NFE2: variants seen among roughly 807,000 people sequenced by gnomAD.
NFE2 encodes nuclear factor, erythroid 2, also known as transcription factor NF-E2 45 kDa subunit.
NFE2 carries 13 observed loss-of-function variants against 25.8 expected under a neutral mutation model. The ratio of observed to expected loss-of-function variants is 0.50; its 90% confidence interval spans 0.33 to 0.80. NFE2 has a LOEUF of 0.80. Among genes scored for constraint, NFE2 ranks in the 30% least tolerant of loss-of-function variants. The pLI is 0.02. For missense variants in NFE2, 382 were observed against 478.9 expected (o/e 0.80, Z 1.89); for synonymous variants, 204 against 200.2 (o/e 1.02, Z -0.16).
intron 1 of NFE2, chr12:54,297,946 A>C (rs1944388691): frequency 6.6e-6 from 1 of 152,150 alleles, no homozygotes; most frequent in South Asian, 2.1e-4. Flanking sequence ...CAGTGGGCAG[A>C]GTGGGTGGGG....
intron 1 of NFE2, among the ~76,000 whole-genome samples, chr12:54,298,091 C>G (rs1176840465): frequency 6.6e-6 from 1 of 152,174 alleles, no homozygotes; most frequent in Non-Finnish European, 1.5e-5. Context: ...TCTTGCTTCA[C>G]AGTTCTTTAC....
intron 1 of NFE2, among the ~76,000 whole-genome samples, chr12:54,296,621 G>C (rs777241889): frequency 6.6e-6 from 1 of 152,024 alleles, no homozygotes; most frequent in Non-Finnish European, 1.5e-5. Context: ...TTTCTGTGGA[G>C]TGTCAGTCTC....
rs1454566961 is a variant in NFE2 at position 54,295,254 on chromosome 12, T to C, written c.-6A>G. The C allele has an allele frequency of 1.2e-6, 2 of 1,612,770 alleles. No homozygotes were observed. Among genetic ancestry groups the C allele is most frequent in the East Asian group, 2.2e-5 (1 of 44,870 alleles). ...TGGGGAGGACACGGGGACATCCTAC[T>C]GGGCCAGAGTCTGGTCCAGGTTCCC... On this transcript the variant is annotated 5_prime_UTR_variant, in exon 2 of 3. Transcript: ENST00000435572.
In NFE2 at chr12:54,292,855, G is replaced by A. The variant is rs1229020474; in HGVS notation, c.641C>T (p.Ala214Val). ...TGCCTCCCCCCGTGCAGTGGGCTTA[G>A]CCCGCACAGGGCCTGAGGAGGGCTC... is the stretch of plus-strand genomic sequence containing the variant. ...ALEPSSGPVR[A>V]KPTARGEAGS... Residue 214 changes from alanine (A) to valine (V), a missense_variant, in exon 3 of 3, where the codon GCT becomes GTT. Coordinates refer to ENST00000435572, the MANE Select transcript of NFE2 (RefSeq NM_001136023.3). The A allele has an allele frequency of 6.2e-7, 1 of 1,614,062 alleles. No individual in the cohort carries two copies. Among genetic ancestry groups the A allele is most frequent in the Non-Finnish European group, 8.5e-7 (1 of 1,180,018 alleles).
chr12:54,297,667 GAAAAAAAAAAAAAAAA>G (rs1158479197), intron 1 of NFE2: 1 of 40,642 alleles, frequency 2.5e-5, no homozygotes, highest in Non-Finnish European at 3.9e-5. Context: ...CTCTGTTTCG[GAAAAAAAAAAAAAAAA>G]AAAAAAAAAG....
chr12:54,297,667 GAAAAAAAAAAAAA>G (rs1158479197), intron 1 of NFE2: 1 of 40,642 alleles, frequency 2.5e-5, no homozygotes, highest in African/African-American at 1.4e-4. Context: ...CTCTGTTTCG[GAAAAAAAAAAAAA>G]AAAAAAAAAA....
rs1314480519 is a variant in NFE2, at chr12:54,293,239, G to A, written c.257C>T (p.Pro86Leu). 6.2e-7 allele frequency: 1 copy of A among 1,611,068 alleles called. No homozygotes were observed. Among genetic ancestry groups the A allele is most frequent in the Non-Finnish European group, 8.5e-7 (1 of 1,178,620 alleles). Reference protein sequence around the residue: ...FPLPPPPYELPASTSHVPDPP... With the variant: ...FPLPPPPYELLASTSHVPDPP... ...ATCTGGGACATGGGATGTGGATGCT[G>A]GGAGCTCATAAGGTGGTGGAGGAAG... The change falls in exon 3 of 3, where the codon CCA becomes CTA. Residue 86 changes from proline to leucine, a missense_variant. Physicochemically the swap from Pro to Leu is moderately conservative, Grantham distance 98. Coordinates refer to ENST00000435572, the MANE Select transcript of NFE2 (RefSeq NM_001136023.3).
chr12:54,297,667 GAA>G (rs1158479197), intron 1 of NFE2: 3 of 40,666 alleles, frequency 7.4e-5, no homozygotes, highest in Non-Finnish European at 1.2e-4. Flanking sequence ...CTCTGTTTCG[GAA>G]AAAAAAAAAA....
Position 54,295,271 on chromosome 12 carries a change from C to T in NFE2, c.-23G>A. On this transcript the variant is annotated 5_prime_UTR_variant, in exon 2 of 3. Transcript: ENST00000435572. ...CATCCTACTGGGCCAGAGTCTGGTC[C>T]AGGTTCCCGGAAAGCCCAGATGGCT... is the stretch of plus-strand genomic sequence containing the variant. The T allele has an allele frequency of 6.2e-7, 1 of 1,605,678 alleles. No homozygotes were observed. Among genetic ancestry groups the T allele is most frequent in the Non-Finnish European group, 8.5e-7 (1 of 1,172,566 alleles).
At chr12:54,300,738 C>CCG (rs1297974115) in intron 1 of NFE2, 63 bp downstream of exon 1, 3 of 151,964 alleles carry the variant, frequency 2.0e-5, no homozygotes, top group African/African-American at 7.3e-5. Flanking sequence ...CTTCACCCCC[C>CCG]AGCCTGCCCC....
intron 1 of NFE2, among the ~76,000 whole-genome samples, chr12:54,297,356 C>CAAAAAAAAAAAAAA (rs35611028): frequency 1.0e-4 from 5 of 49,996 alleles, no homozygotes; most frequent in African/African-American, 4.5e-4. Context: ...GACCCTGTCT[C>CAAAAAAAAAAAAAA]AAAAAAAAAA....
rs554837198 is a variant in NFE2 at position 54,296,303 on chromosome 12, G to A, written c.-56-999C>T. 7.3e-5 allele frequency among the ~76,000 whole-genome samples: 11 copies of A among 151,712 alleles called. No homozygotes were observed. The East Asian group carries it at 1.9e-3, about 27-fold the overall frequency. ...CACATGTCTGTAGTCCCAGCTACTCGGGAAGCTGAGGCAGGAGAATCACTT... is the reference window on the plus strand; with the variant it reads ...CACATGTCTGTAGTCCCAGCTACTCAGGAAGCTGAGGCAGGAGAATCACTT... On this transcript the variant is annotated intron_variant, in intron 1 of 2. Transcript: ENST00000435572.
rs923200566 is a variant in NFE2 at position 54,293,234 on chromosome 12, A to T, written c.262T>A (p.Ser88Thr). The T allele has an allele frequency of 6.2e-7, 1 of 1,610,320 alleles. No individual in the cohort carries two copies. The highest frequency in any genetic ancestry group is 1.7e-5 in the Admixed American group (1 of 59,472). ...LPPPPYELPA[S>T]TSHVPDPPYS... is the part of the protein sequence containing the mutation. ...GGGGGATCTGGGACATGGGATGTGG[A>T]TGCTGGGAGCTCATAAGGTGGTGGA... The change falls in exon 3 of 3, where the codon TCC becomes ACC. Residue 88 changes from serine to threonine, a missense_variant. By Grantham distance (58) the Ser-to-Thr change is moderately conservative. Transcript: ENST00000435572.
chr12:54,293,531 G>T, intron 2 of NFE2, 150 bp from the exon 3 acceptor site: 1 of 895,646 alleles, frequency 1.1e-6, no homozygotes, highest in Non-Finnish European at 1.6e-6. Flanking sequence ...TTCCTGCAAA[G>T]TTATGATACA....
intron 2 of NFE2, 77 bp downstream of exon 2, chr12:54,295,058 T>A (rs1048014318): frequency 1.6e-5 from 19 of 1,201,254 alleles, no homozygotes; most frequent in Non-Finnish European, 2.3e-5. Context: ...TCCTGCCCTC[T>A]GCCTCAGTCC....
chr12:54,297,666 GGAAAAAAAAAAAAAAA>G (rs1944386122), intron 1 of NFE2: 1 of 74,816 alleles, frequency 1.3e-5, no homozygotes, highest in Admixed American at 1.7e-4. Context: ...ACTCTGTTTC[GGAAAAAAAAAAAAAAA>G]AAAAAAAAAA....
Position 54,292,403 on chromosome 12 carries a change from G to C in NFE2, c.1093C>G (p.Arg365Gly), listed in dbSNP as rs150756699. ...TCTGTGGCCTCCATCTTGGTCCCCCGGGGCACAAGGAAGATGGTCCCATCG... is the reference window on the plus strand; with the variant it reads ...TCTGTGGCCTCCATCTTGGTCCCCCCGGGCACAAGGAAGATGGTCCCATCG... ...AADGTIFLVP[R>G]GTKMEATD The change falls in exon 3 of 3, where the codon CGG becomes GGG. Residue 365 changes from arginine to glycine, a missense_variant. Transcript: ENST00000435572. 93 of 1,613,950 alleles carry C rather than the reference G, an allele frequency of 5.8e-5. 2 individuals are homozygous for C. Among genetic ancestry groups the C allele is most frequent in the South Asian group, 2.1e-4 (19 of 91,082 alleles).
Position 54,295,281 on chromosome 12 carries a change from G to A in NFE2, c.-33C>T, listed in dbSNP as rs1197600964. On this transcript the variant is annotated 5_prime_UTR_variant, in exon 2 of 3. Transcript: ENST00000435572. ...GGCCAGAGTCTGGTCCAGGTTCCCG[G>A]AAAGCCCAGATGGCTCTAGAAACCT... is the stretch of plus-strand genomic sequence containing the variant. 1 of 1,579,520 alleles carries A rather than the reference G, an allele frequency of 6.3e-7. No homozygotes were observed. The highest frequency in any genetic ancestry group is 1.1e-5 in the South Asian group (1 of 90,216).
intron 1 of NFE2, among the ~76,000 whole-genome samples, chr12:54,296,435 G>A (rs1355003985): frequency 6.7e-6 from 1 of 150,284 alleles, no homozygotes; most frequent in Non-Finnish European, 1.5e-5. Flanking sequence ...AAAAAGACTG[G>A]TTTTCACAAA....
Sources: allele counts gnomAD v4.1 joint callset (sites outside exome capture counted in the v4.1 genomes callset), GRCh38; gene constraint gnomAD v4.1.1; transcripts MANE v1.5; gene names NCBI Gene and HGNC (gene_info 2026-07-23, HGNC 2026-07-21).